ATP6V0D2: variants seen among roughly 807,000 people sequenced by gnomAD.
ATP6V0D2 encodes the protein ATPase H+ transporting V0 subunit d2.
Under a neutral mutation model 40.0 loss-of-function variants are expected in ATP6V0D2, and 40 were observed. The ratio of observed to expected loss-of-function variants is 1.00; its 90% CI spans 0.78 to 1.30. The LOEUF is 1.30. Among genes scored for constraint, ATP6V0D2 ranks in the 50% most tolerant of loss-of-function variants. The pLI is 0.00. For synonymous variants in ATP6V0D2, 179 were observed against 156.3 expected, an observed-to-expected ratio of 1.15 and a Z score of -1.08; for missense variants, 470 against 423.1, an observed-to-expected ratio of 1.11 and a Z score of -0.97.
chr8:86,132,611 T>G (rs929152023), intron 2 of ATP6V0D2, among the ~76,000 whole-genome samples: 3 of 152,164 alleles, frequency 2.0e-5, no homozygotes, highest in Non-Finnish European at 2.9e-5. Flanking sequence ...TTTATTTTAC[T>G]TAACATATTG....
chr8:86,114,409 T>C (rs1586088344), intron 2 of ATP6V0D2, among the ~76,000 whole-genome samples: 2 of 152,188 alleles, frequency 1.3e-5, no homozygotes, highest in Admixed American at 1.3e-4. Context: ...CTGCGGCTCA[T>C]GCCTGTAATC....
chr8:86,119,718 A>T (rs988407676), intron 2 of ATP6V0D2, among the ~76,000 whole-genome samples: 1 of 152,240 alleles, frequency 6.6e-6, no homozygotes, highest in African/African-American at 2.4e-5. Flanking sequence ...AGATAATCAC[A>T]AAGCCCAGGG....
chr8:86,134,140 A>G (rs1818865082), intron 2 of ATP6V0D2, among the ~76,000 whole-genome samples: 1 of 152,176 alleles, frequency 6.6e-6, no homozygotes. Flanking sequence ...TAGGCACCTC[A>G]TGGAGCCAGA....
At chr8:86,147,566 C>A (rs749613178) in intron 5 of ATP6V0D2, among the ~76,000 whole-genome samples, 8 of 152,064 alleles carry the variant, frequency 5.3e-5, no homozygotes, top group Non-Finnish European at 1.0e-4. Flanking sequence ...AAAGAACAGT[C>A]CTTTTCCAAT....
chr8:86,116,481 T>C (rs921217086), intron 2 of ATP6V0D2, among the ~76,000 whole-genome samples: 2 of 152,214 alleles, frequency 1.3e-5, no homozygotes, highest in African/African-American at 4.8e-5. Context: ...GCTGGGATTA[T>C]AGACGTGCAC....
intron 2 of ATP6V0D2, among the ~76,000 whole-genome samples, chr8:86,126,360 C>T (rs1563560650): frequency 6.7e-6 from 1 of 149,810 alleles, no homozygotes; most frequent in Non-Finnish European, 1.5e-5. Flanking sequence ...CTGCACAGAT[C>T]ATCCCATCAC....
intron 2 of ATP6V0D2, among the ~76,000 whole-genome samples, chr8:86,121,336 G>A (rs1005123186): frequency 2.6e-5 from 4 of 152,216 alleles, no homozygotes; most frequent in South Asian, 2.1e-4. Flanking sequence ...TTGGGAGGCC[G>A]AGGTGGGCAG....
intron 5 of ATP6V0D2, among the ~76,000 whole-genome samples, chr8:86,147,790 A>G (rs570514365): frequency 3.9e-5 from 6 of 152,198 alleles, no homozygotes; most frequent in Non-Finnish European, 8.8e-5. Context: ...CGCAGGGAGG[A>G]TTTCAGCATG....
chr8:86,102,899 A>G (rs944276812), intron 1 of ATP6V0D2, among the ~76,000 whole-genome samples: 1 of 152,210 alleles, frequency 6.6e-6, no homozygotes, highest in African/African-American at 2.4e-5. Context: ...TTGAACCAAA[A>G]CAATAACTTT....
chr8:86,149,751 C>A (rs1819117927), intron 5 of ATP6V0D2, among the ~76,000 whole-genome samples: 1 of 152,304 alleles, frequency 6.6e-6, no homozygotes, highest in South Asian at 2.1e-4. Context: ...GGTTCTGCCC[C>A]TGAATGAACC....
intron 2 of ATP6V0D2, among the ~76,000 whole-genome samples, chr8:86,124,439 G>C (rs1352032757): frequency 6.6e-6 from 1 of 152,164 alleles, no homozygotes; most frequent in African/African-American, 2.4e-5. Flanking sequence ...TTAAGATGCA[G>C]ATTCTAAGAT....
At chr8:86,151,093 G>T (rs1819144159) in intron 6 of ATP6V0D2, among the ~76,000 whole-genome samples, 1 of 152,270 alleles carries the variant, frequency 6.6e-6, no homozygotes, top group Non-Finnish European at 1.5e-5. Context: ...AACTACATGT[G>T]AATTTTATCA....
At chr8:86,128,128 G>A (rs907319211) in intron 2 of ATP6V0D2, among the ~76,000 whole-genome samples, 1 of 152,132 alleles carries the variant, frequency 6.6e-6, no homozygotes, top group Non-Finnish European at 1.5e-5. Flanking sequence ...CAGCTCTTTG[G>A]GAGGCTGAGG....
chr8:86,100,690 G>A (rs1818385246), intron 1 of ATP6V0D2, among the ~76,000 whole-genome samples: 1 of 152,154 alleles, frequency 6.6e-6, no homozygotes, highest in African/African-American at 2.4e-5. Context: ...ACTGGAGAAC[G>A]TCGGTCACGT....
intron 2 of ATP6V0D2, among the ~76,000 whole-genome samples, chr8:86,134,299 C>G (rs1818867425): frequency 6.6e-6 from 1 of 151,996 alleles, no homozygotes; most frequent in Non-Finnish European, 1.5e-5. Flanking sequence ...CAGACCTACT[C>G]TAAAAGAATG....
chr8:86,114,973 A>G (rs575276398), intron 2 of ATP6V0D2, among the ~76,000 whole-genome samples: 5 of 152,320 alleles, frequency 3.3e-5, no homozygotes, highest in African/African-American at 1.2e-4. Context: ...AAAATGCTGC[A>G]TAGTATAAGC....
chr8:86,105,094 C>T (rs1222702378), intron 1 of ATP6V0D2, among the ~76,000 whole-genome samples: 1 of 143,696 alleles, frequency 7.0e-6, no homozygotes, highest in Non-Finnish European at 1.5e-5. Flanking sequence ...CAGAATCTAT[C>T]ATGGGATGGA....
At chr8:86,104,642 A>G (rs1174736835) in intron 1 of ATP6V0D2, among the ~76,000 whole-genome samples, 1 of 152,124 alleles carries the variant, frequency 6.6e-6, no homozygotes, top group Non-Finnish European at 1.5e-5. Context: ...GGTGGTGGGT[A>G]GGTGAGTGAC....
At chr8:86,118,268 T>G (rs371289233) in intron 2 of ATP6V0D2, among the ~76,000 whole-genome samples, 1 of 151,008 alleles carries the variant, frequency 6.6e-6, no homozygotes, top group East Asian at 1.9e-4. Context: ...GAGATAGGGT[T>G]TCCCCATGTT....
Sources: allele counts gnomAD v4.1 joint callset (sites outside exome capture counted in the v4.1 genomes callset), GRCh38; gene constraint gnomAD v4.1.1; transcripts MANE v1.5; gene names NCBI Gene and HGNC (gene_info 2026-07-23, HGNC 2026-07-21).